Variants in AKR1C8 observed in about 807,000 individuals in gnomAD.
AKR1C8 encodes aldo-keto reductase family 1 member C8.
the AKR1C8 span, among the ~76,000 whole-genome samples, chr10:5,184,084 C>T: frequency 6.6e-6 from 1 of 152,260 alleles, no homozygotes; most frequent in South Asian, 2.1e-4. Flanking sequence ...CTGACTGCTC[C>T]TGGGCCAAGG....
At chr10:5,176,656 A>C in the AKR1C8 span, among the ~76,000 whole-genome samples, 1 of 152,022 alleles carries the variant, frequency 6.6e-6, no homozygotes, top group Non-Finnish European at 1.5e-5. Context: ...TATTTCCTTA[A>C]GCAGTGGTTT....
At chr10:5,129,571 G>T in the AKR1C8 span, among the ~76,000 whole-genome samples, 1 of 151,952 alleles carries the variant, frequency 6.6e-6, no homozygotes, top group African/African-American at 2.4e-5. Flanking sequence ...AGCTCAATTA[G>T]AAATGAAACT....
At chr10:5,118,241 G>GT in the AKR1C8 span, among the ~76,000 whole-genome samples, 3 of 152,176 alleles carry the variant, frequency 2.0e-5, no homozygotes, top group African/African-American at 4.8e-5. Context: ...AAAGGCAGGG[G>GT]TAGGGACAGG....
chr10:5,116,005 G>GT, the AKR1C8 span, among the ~76,000 whole-genome samples: 8 of 152,050 alleles, frequency 5.3e-5, no homozygotes, highest in South Asian at 2.1e-4. Context: ...AGCAGGTCAT[G>GT]TTTTTTTCCT....
the AKR1C8 span, among the ~76,000 whole-genome samples, chr10:5,143,042 C>A: frequency 6.6e-6 from 1 of 152,026 alleles, no homozygotes; most frequent in Non-Finnish European, 1.5e-5. Flanking sequence ...TAGGTGCCAA[C>A]TGGATTGGAT....
At chr10:5,131,947 A>G in the AKR1C8 span, among the ~76,000 whole-genome samples, 1 of 152,180 alleles carries the variant, frequency 6.6e-6, no homozygotes, top group Non-Finnish European at 1.5e-5. Flanking sequence ...GAGTCCGTTG[A>G]CCAATGCATG....
At chr10:5,138,401 T>C in the AKR1C8 span, among the ~76,000 whole-genome samples, 1 of 152,152 alleles carries the variant, frequency 6.6e-6, no homozygotes, top group Non-Finnish European at 1.5e-5. Context: ...AAGAAAAATA[T>C]GGCTCTTTTT....
chr10:5,136,370 A>T, the AKR1C8 span, among the ~76,000 whole-genome samples: 2 of 152,270 alleles, frequency 1.3e-5, no homozygotes, highest in East Asian at 3.9e-4. Context: ...GAATATGACG[A>T]AACCTCGTCT....
chr10:5,161,912 T>C, the AKR1C8 span: 31 of 534,502 alleles, frequency 5.8e-5, no homozygotes, highest in Non-Finnish European at 1.1e-4. Flanking sequence ...GGTCCAAGTT[T>C]CTTCAGTGAC....
At chr10:5,129,808 G>C in the AKR1C8 span, among the ~76,000 whole-genome samples, 1 of 151,926 alleles carries the variant, frequency 6.6e-6, no homozygotes, top group African/African-American at 2.4e-5. Context: ...CCAAGGATCA[G>C]ATGGATTCAC....
the AKR1C8 span, among the ~76,000 whole-genome samples, chr10:5,121,803 G>T: frequency 1.3e-5 from 2 of 152,010 alleles, no homozygotes; most frequent in Non-Finnish European, 2.9e-5. Context: ...TAGTCTAATG[G>T]GTAAGAGCGT....
chr10:5,132,040 G>C, the AKR1C8 span, among the ~76,000 whole-genome samples: 4 of 152,116 alleles, frequency 2.6e-5, no homozygotes, highest in African/African-American at 9.7e-5. Context: ...TAGCAACTTG[G>C]ATGGAGATTA....
chr10:5,120,624 C>T, the AKR1C8 span, among the ~76,000 whole-genome samples: 1 of 152,036 alleles, frequency 6.6e-6, no homozygotes, highest in African/African-American at 2.4e-5. Flanking sequence ...TCTAAACACT[C>T]TCATGAGGGA....
the AKR1C8 span, among the ~76,000 whole-genome samples, chr10:5,151,994 T>C: frequency 6.6e-6 from 1 of 152,198 alleles, no homozygotes; most frequent in African/African-American, 2.4e-5. Context: ...TCTGTACTCA[T>C]GCAGGCTGGG....
the AKR1C8 span, among the ~76,000 whole-genome samples, chr10:5,182,716 C>T: frequency 1.3e-5 from 2 of 152,030 alleles, no homozygotes; most frequent in Non-Finnish European, 2.9e-5. Flanking sequence ...TCGAGACCAG[C>T]CTGGGCAACA....
the AKR1C8 span, among the ~76,000 whole-genome samples, chr10:5,120,642 G>A: frequency 6.6e-6 from 1 of 152,070 alleles, no homozygotes; most frequent in Non-Finnish European, 1.5e-5. Context: ...GGAGGCCACA[G>A]ATTTCTACTT....
the AKR1C8 span, among the ~76,000 whole-genome samples, chr10:5,127,680 C>T: frequency 2.8e-3 from 384 of 137,548 alleles, 2 homozygotes; most frequent in African/African-American, 0.01. Context: ...CAAGATCATG[C>T]ACCTGCACTC....
At chr10:5,137,301 G>C in the AKR1C8 span, among the ~76,000 whole-genome samples, 1 of 152,102 alleles carries the variant, frequency 6.6e-6, no homozygotes, top group Admixed American at 6.5e-5. Context: ...CAACAAAAAA[G>C]AGAATTTTAG....
chr10:5,160,695 A>T, the AKR1C8 span: 2 of 396,248 alleles, frequency 5.0e-6, no homozygotes, highest in South Asian at 3.9e-5. Flanking sequence ...AGGCACAGAG[A>T]AGCTCCACAT....
Sources: gnomAD v4.1 joint callset for allele counts (sites outside exome capture counted in the v4.1 genomes callset) on GRCh38, gnomAD v4.1.1 for gene constraint, MANE v1.5 for transcripts, NCBI Gene and HGNC (gene_info 2026-07-23, HGNC 2026-07-21) for gene names.